PARG: variants seen among roughly 807,000 people sequenced by gnomAD.
The protein encoded by PARG is mitochondrial poly(ADP-ribose) glycohydrolase.
In PARG, 35 loss-of-function variants were observed where a neutral mutation model predicts 113.0. That is an observed-to-expected ratio of 0.31 (90% confidence interval 0.24 to 0.41). The LOEUF is 0.41. PARG is among the 10% of genes least tolerant of loss of function. The probability of loss-of-function intolerance (pLI) is 1.00; values close to 1 mark genes in which losing one functional copy is unlikely to be tolerated. For synonymous variants in PARG, 330 were observed against 409.9 expected (o/e 0.81, Z 2.36); for missense variants, 797 against 1,169.4 (o/e 0.68, Z 4.64).
At chr10:49,844,072 G>C (rs1445727257) in intron 13 of PARG, among the ~76,000 whole-genome samples, 1 of 152,016 alleles carries the variant, frequency 6.6e-6, no homozygotes, top group South Asian at 2.1e-4. Context: ...TTGAACCTGG[G>C]AGGCGGAGGT....
intron 4 of PARG, 90 bp downstream of exon 4, chr10:49,932,010 C>T (rs1838511984): frequency 1.3e-6 from 1 of 756,098 alleles, no homozygotes; most frequent in African/African-American, 1.7e-5. Flanking sequence ...GAAGAACTTT[C>T]TAAGCCTTGG....
At chr10:49,874,862 C>A (rs1255785157) in intron 9 of PARG, among the ~76,000 whole-genome samples, 1 of 126,926 alleles carries the variant, frequency 7.9e-6, no homozygotes, top group Admixed American at 7.6e-5. Context: ...CCAAAAAAAA[C>A]AAAAACAAAA....
intron 7 of PARG, among the ~76,000 whole-genome samples, chr10:49,911,665 G>T (rs1837191340): frequency 6.6e-6 from 1 of 152,188 alleles, no homozygotes; most frequent in Non-Finnish European, 1.5e-5. Flanking sequence ...ACTAATAAAA[G>T]CTTAGGTAAT....
intron 16 of PARG, among the ~76,000 whole-genome samples, chr10:49,829,716 T>C (rs190112993): frequency 2.5e-4 from 38 of 152,308 alleles, no homozygotes; most frequent in Non-Finnish European, 1.9e-4. Context: ...TCCTGGCACG[T>C]AAACAGATGA....
rs150484916 is a variant in PARG, at chr10:49,838,477, C to G, written c.2541+3473G>C. Among the ~76,000 whole-genome samples, 388 of 149,176 alleles carry G rather than the reference C, an allele frequency of 2.6e-3. 6 individuals are homozygous for G. Among genetic ancestry groups the G allele is most frequent in the East Asian group, 0.024 (123 of 5,118 alleles). The stretch of plus-strand genomic sequence containing the variant: ...AAAAAAAGATTTGAAGTCAGGGGAG[C>G]CTGAATTTGAGCCCTGGTTTGGTCA... On this transcript the variant is annotated intron_variant, in intron 15 of 17. Transcript: ENST00000616448.
chr10:49,877,969 A>C (rs561358019), intron 9 of PARG, among the ~76,000 whole-genome samples: 1 of 152,080 alleles, frequency 6.6e-6, no homozygotes, highest in African/African-American at 2.4e-5. Flanking sequence ...TTTATTAATC[A>C]CAAAAGGAAA....
intron 1 of PARG, among the ~76,000 whole-genome samples, chr10:49,937,826 A>C (rs1356285102): frequency 6.6e-5 from 10 of 152,324 alleles, no homozygotes; most frequent in South Asian, 6.2e-4. Context: ...ATAAGGAACC[A>C]GTATCTTCTG....
chr10:49,859,243 G>A (rs1440318280), intron 12 of PARG, among the ~76,000 whole-genome samples: 1 of 141,998 alleles, frequency 7.0e-6, no homozygotes, highest in African/African-American at 2.6e-5. Context: ...GAGGCTTACA[G>A]TTGGTGATGA....
intron 9 of PARG, 85 bp from the exon 10 acceptor site, chr10:49,869,640 T>A (rs1336626435): frequency 3.1e-6 from 2 of 649,256 alleles, no homozygotes; most frequent in Admixed American, 5.5e-5. Context: ...TGCTACCAAG[T>A]AATACAAAGA....
intron 6 of PARG, among the ~76,000 whole-genome samples, chr10:49,920,837 T>C (rs1428795308): frequency 3.9e-5 from 6 of 152,018 alleles, no homozygotes; most frequent in Non-Finnish European, 7.4e-5. Context: ...CCTCACCTGA[T>C]ACTTGTGTTC....
intron 7 of PARG, among the ~76,000 whole-genome samples, chr10:49,904,477 A>G (rs1848484260): frequency 6.6e-6 from 1 of 151,724 alleles, no homozygotes; most frequent in African/African-American, 2.4e-5. Flanking sequence ...AGTGGTAATG[A>G]TGTGTCAAGG....
chr10:49,886,282 A>T (rs147278484), intron 7 of PARG, among the ~76,000 whole-genome samples: 563 of 151,996 alleles, frequency 3.7e-3, no homozygotes, highest in East Asian at 0.015. Flanking sequence ...GAAGAAACAG[A>T]CTCTTGACAA....
chr10:49,941,513 C>G lies in PARG; in HGVS notation c.213G>C (p.Ser71=). The G allele has an allele frequency of 1.9e-6, 3 of 1,549,972 alleles. No homozygotes were observed. The highest frequency in any genetic ancestry group is 1.7e-6 in the Non-Finnish European group (2 of 1,145,408). ...GATTTTTATTTTCCCACGTACCAAG[C>G]GAGGTGGCGCTGCCTCTGTGCTGTC... ...RAGQHRGSAT[S]LVFKQKTITS... The change falls in exon 1 of 18, where the codon TCG becomes TCC. Residue 71 remains serine (S), a synonymous_variant. Transcript: ENST00000616448.
intron 7 of PARG, among the ~76,000 whole-genome samples, chr10:49,906,732 T>C (rs1412155022): frequency 2.0e-5 from 3 of 152,092 alleles, no homozygotes; most frequent in African/African-American, 7.2e-5. Flanking sequence ...TAATAAGCAC[T>C]ACCACCTCCA....
At position 49,911,835 on chromosome 10, in the gene PARG, C is replaced by T. The variant is rs183932754; in HGVS notation, c.1737+4082G>A. 1.1e-3 allele frequency among the ~76,000 whole-genome samples: 173 copies of T among 152,246 alleles called. No individual in the cohort carries two copies. The South Asian group carries it at 0.011, about 10-fold the overall frequency. On this transcript the variant is annotated intron_variant, in intron 7 of 17. Transcript: ENST00000616448. ...TCTCGTTGTAAGGTAGTTTGGGTTA[C>T]AAAATCCTTTACTTACAGAATTAAT...
chr10:49,845,542 C>T (rs1325237490), intron 13 of PARG, among the ~76,000 whole-genome samples: 2 of 152,218 alleles, frequency 1.3e-5, no homozygotes, highest in Non-Finnish European at 2.9e-5. Flanking sequence ...CAGCTCTGCT[C>T]TTAAGGCCTT....
chr10:49,844,888 C>A (rs1845432107), intron 13 of PARG, among the ~76,000 whole-genome samples: 1 of 152,184 alleles, frequency 6.6e-6, no homozygotes, highest in South Asian at 2.1e-4. Flanking sequence ...ATGCGACGAA[C>A]TCCTACATGT....
At chr10:49,853,828 A>G (rs1381505478) in intron 13 of PARG, among the ~76,000 whole-genome samples, 1 of 152,180 alleles carries the variant, frequency 6.6e-6, no homozygotes, top group African/African-American at 2.4e-5. Flanking sequence ...AATCACAGGG[A>G]TAAAAATTTA....
At chr10:49,938,765 A>G (rs2133007562) in intron 1 of PARG, among the ~76,000 whole-genome samples, 1 of 152,186 alleles carries the variant, frequency 6.6e-6, no homozygotes, top group East Asian at 1.9e-4. Flanking sequence ...AAATATATCC[A>G]GGAAGATAAA....
Sources: gnomAD v4.1 joint callset for allele counts (sites outside exome capture counted in the v4.1 genomes callset) on GRCh38, gnomAD v4.1.1 for gene constraint, MANE v1.5 for transcripts, NCBI Gene and HGNC (gene_info 2026-07-23, HGNC 2026-07-21) for gene names.